SNAP47: variants seen among roughly 807,000 people sequenced by gnomAD.
SNAP47 encodes synaptosomal-associated protein 47.
SNAP47 carries 20 observed loss-of-function variants against 31.4 expected under a neutral mutation model. The observed-to-expected ratio is 0.64, with a 90% CI of 0.45 to 0.93. SNAP47 has a LOEUF of 0.93. SNAP47 is among the 40% of genes least tolerant of loss of function. The pLI is 0.00. For synonymous variants in SNAP47, 194 were observed against 213.4 expected, an observed-to-expected ratio of 0.91 and a Z score of 0.79; for missense variants, 492 against 528.5, an observed-to-expected ratio of 0.93 and a Z score of 0.68.
At chr1:227,733,046 A>G, upstream of SNAP47, 2 of 1,612,934 alleles carry the variant, frequency 1.2e-6, no homozygotes, top group Middle Eastern at 1.7e-4. Context: ...GGCACAGTGC[A>G]GGCAGGCCTG....
intron 2 of SNAP47, among the ~76,000 whole-genome samples, chr1:227,751,907 G>A (rs1662396495): frequency 6.6e-6 from 1 of 151,954 alleles, no homozygotes; most frequent in South Asian, 2.1e-4. Flanking sequence ...GGGACTGCAG[G>A]TGCCCGCTAC....
upstream of SNAP47, chr1:227,734,352 T>TAAAAAAAAAAAAAAAAAAAAAAAAAAA (rs56684758): frequency 1.3e-5 from 1 of 76,626 alleles, no homozygotes; most frequent in Non-Finnish European, 2.2e-5. Context: ...CTAGTCTCTT[T>TAAAAAAAAAAAAAAAAAAAAAAAAAAA]AAAAAAAAAA....
chr1:227,734,455 A>G, upstream of SNAP47: 1 of 508,604 alleles, frequency 2.0e-6, no homozygotes, highest in South Asian at 4.0e-5. Flanking sequence ...AAAAGGAAAA[A>G]AAACCATATT....
At chr1:227,761,070 C>T (rs1012757714) in intron 3 of SNAP47, among the ~76,000 whole-genome samples, 11 of 152,326 alleles carry the variant, frequency 7.2e-5, no homozygotes, top group East Asian at 1.9e-4. Flanking sequence ...ATGTATGTGA[C>T]ATGTACGTCC....
At chr1:227,760,455 G>A (rs559842361) in intron 3 of SNAP47, among the ~76,000 whole-genome samples, 2 of 152,330 alleles carry the variant, frequency 1.3e-5, no homozygotes, top group South Asian at 4.1e-4. Flanking sequence ...AGTGGCCATG[G>A]TACCTTCCCG....
chr1:227,748,330 G>A (rs951295418), intron 2 of SNAP47, 97 bp downstream of exon 2: 8 of 1,316,916 alleles, frequency 6.1e-6, no homozygotes, highest in Non-Finnish European at 8.2e-6. Flanking sequence ...CACCATATTT[G>A]CACACATCCA....
intron 4 of SNAP47, among the ~76,000 whole-genome samples, chr1:227,773,156 A>G (rs1215318989): frequency 2.4e-5 from 3 of 124,372 alleles, no homozygotes; most frequent in Admixed American, 8.9e-5. Flanking sequence ...TTTTTTGTAG[A>G]CATGGAGTCT....
chr1:227,774,907 G>A (rs1032129381), intron 4 of SNAP47, among the ~76,000 whole-genome samples: 55 of 152,230 alleles, frequency 3.6e-4, no homozygotes, highest in African/African-American at 1.3e-3. Context: ...GAGCGCTCTT[G>A]GGCAGGACAA....
chr1:227,747,687 T>G lies in SNAP47; in HGVS notation c.-45-5T>G. 1.3e-6 allele frequency: 2 copies of G among 1,584,230 alleles called. No homozygotes were observed. Among genetic ancestry groups the G allele is most frequent in the Non-Finnish European group, 1.7e-6 (2 of 1,160,978 alleles). ...GGCAGAACGTTACTGTCTCTTCTCC[T>G]TCAGAGGCAGAAGAGGCCTGGACCT... On this transcript the variant is annotated splice_region_variant and splice_polypyrimidine_tract_variant and intron_variant, in intron 1 of 4. Transcript: ENST00000617596.
chr1:227,779,260 G>A (rs564173327), intron 4 of SNAP47, among the ~76,000 whole-genome samples: 10 of 152,332 alleles, frequency 6.6e-5, no homozygotes, highest in South Asian at 2.1e-4. Context: ...GACCATAGGC[G>A]GGGGCATTGC....
chr1:227,733,297 G>C (rs1220691467), upstream of SNAP47: 1 of 1,144,750 alleles, frequency 8.7e-7, no homozygotes, highest in Non-Finnish European at 1.2e-6. Flanking sequence ...GAAGGGGTCA[G>C]CCTCACCCAT....
At chr1:227,736,686 G>GTTTTTTTTTTTTTTT (rs112159513) in intron 1 of SNAP47, among the ~76,000 whole-genome samples, 80 of 110,912 alleles carry the variant, frequency 7.2e-4, no homozygotes, top group African/African-American at 1.2e-3. Flanking sequence ...TTTTGTTTTT[G>GTTTTTTTTTTTTTTT]TTTTTTTTTT....
intron 4 of SNAP47, among the ~76,000 whole-genome samples, chr1:227,779,266 A>G (rs1425641333): frequency 1.3e-5 from 2 of 152,178 alleles, no homozygotes; most frequent in African/African-American, 2.4e-5. Context: ...AGGCGGGGGC[A>G]TTGCTTGTGA....
intron 4 of SNAP47, chr1:227,768,260 A>C (rs1162518827): frequency 2.0e-6 from 2 of 985,292 alleles, no homozygotes; most frequent in Non-Finnish European, 2.4e-6. Context: ...TGATTCCTGG[A>C]AAAAGCAAAG....
intron 1 of SNAP47, among the ~76,000 whole-genome samples, chr1:227,729,684 G>A (rs1371606469): frequency 2.6e-5 from 4 of 152,258 alleles, no homozygotes; most frequent in Middle Eastern, 3.4e-3. Flanking sequence ...CACCTTCTCC[G>A]GAGGCCACAG....
At chr1:227,737,567 ATGT>A (rs796675630) in intron 1 of SNAP47, among the ~76,000 whole-genome samples, 13 of 152,296 alleles carry the variant, frequency 8.5e-5, no homozygotes, top group African/African-American at 3.1e-4. Flanking sequence ...AGCAATGGAA[ATGT>A]TGTTTTATTT....
intron 2 of SNAP47, among the ~76,000 whole-genome samples, chr1:227,752,073 G>C (rs1340713825): frequency 1.3e-5 from 2 of 151,996 alleles, no homozygotes; most frequent in African/African-American, 4.8e-5. Flanking sequence ...CCAAGACTTT[G>C]TTTTTAAGTA....
At chr1:227,747,632 G>A in intron 1 of SNAP47, 60 bp from the exon 2 acceptor site, 1 of 1,509,440 alleles carries the variant, frequency 6.6e-7, no homozygotes, top group South Asian at 1.3e-5. Flanking sequence ...ATCCTTGTGG[G>A]GTTGCTTGTG....
At chr1:227,756,646 T>G (rs1278645020) in intron 2 of SNAP47, among the ~76,000 whole-genome samples, 1 of 152,130 alleles carries the variant, frequency 6.6e-6, no homozygotes, top group Non-Finnish European at 1.5e-5. Flanking sequence ...ACAGTTAGGG[T>G]GCTGCCTGTC....
Sources: gnomAD v4.1 joint callset for allele counts (sites outside exome capture counted in the v4.1 genomes callset) on GRCh38, gnomAD v4.1.1 for gene constraint, MANE v1.5 for transcripts, NCBI Gene and HGNC (gene_info 2026-07-23, HGNC 2026-07-21) for gene names.